Variants in USP33 observed in about 807,000 individuals in gnomAD.
USP33 encodes the protein ubiquitin carboxyl-terminal hydrolase 33.
Under a neutral mutation model 124.2 loss-of-function variants are expected in USP33, and 46 were observed. That is an observed-to-expected ratio of 0.37 (90% CI 0.29 to 0.47). The LOEUF is 0.47. USP33 is among the 20% of genes least tolerant of loss of function. USP33 has a pLI of 0.99. For missense variants in USP33, 851 were observed against 1,070.6 expected (o/e 0.79, Z 2.86); for synonymous variants, 350 against 352.3 (o/e 0.99, Z 0.07).
At chr1:77,699,742 C>T (rs1673794339) in intron 22 of USP33, among the ~76,000 whole-genome samples, 1 of 152,150 alleles carries the variant, frequency 6.6e-6, no homozygotes, top group Admixed American at 6.5e-5. Context: ...TACATGCACA[C>T]ATATGTTCAT....
At chr1:77,755,521 C>A (rs1004832471) in intron 1 of USP33, among the ~76,000 whole-genome samples, 26 of 152,096 alleles carry the variant, frequency 1.7e-4, no homozygotes, top group African/African-American at 6.3e-4. Context: ...CATGGTGAAA[C>A]CCCCATTTCT....
At chr1:77,729,987 T>C in intron 8 of USP33, 49 bp from the exon 9 acceptor site, 1 of 1,497,404 alleles carries the variant, frequency 6.7e-7, no homozygotes, top group South Asian at 1.2e-5. Context: ...TTTTTAATTT[T>C]CATTTTAAAA....
chr1:77,738,940 A>G (rs1678804002), intron 5 of USP33, among the ~76,000 whole-genome samples: 1 of 152,198 alleles, frequency 6.6e-6, no homozygotes, highest in South Asian at 2.1e-4. Flanking sequence ...ATGCTATCAA[A>G]GAAGGCCCAC....
intron 15 of USP33, among the ~76,000 whole-genome samples, chr1:77,719,549 C>T (rs897529610): frequency 2.6e-5 from 4 of 151,586 alleles, no homozygotes; most frequent in African/African-American, 2.4e-5. Context: ...ATTTGTAGTT[C>T]AAGTCAACAT....
chr1:77,741,444 TAA>T lies in USP33; in HGVS notation c.82-17_82-16del. 6.2e-7 allele frequency: 1 copy of T among 1,600,112 alleles called. No homozygotes were observed. Among genetic ancestry groups the T allele is most frequent in the Non-Finnish European group, 8.5e-7 (1 of 1,176,206 alleles). ...TGACAAGTACCCTATAAAAAGAAATTAAAAAGACAACATTGGTTATATTGACA... is the reference window on the plus strand; with the variant it reads ...TGACAAGTACCCTATAAAAAGAAATTAAAGACAACATTGGTTATATTGACA... On this transcript the variant is annotated splice_polypyrimidine_tract_variant and intron_variant, in intron 2 of 23. Transcript: ENST00000370794.
chr1:77,753,025 G>C (rs918389996), intron 1 of USP33, among the ~76,000 whole-genome samples: 1 of 152,080 alleles, frequency 6.6e-6, no homozygotes, highest in African/African-American at 2.4e-5. Context: ...GTCGAAGTGA[G>C]CCAAGATCAT....
In USP33 at chr1:77,741,761, T is replaced by G. The variant is rs1679144072; in HGVS notation, c.-51-13A>C. 1 of 1,538,936 alleles carries G rather than the reference T, an allele frequency of 6.5e-7. No individual in the cohort carries two copies. Among genetic ancestry groups the G allele is most frequent in the Middle Eastern group, 1.7e-4 (1 of 5,742 alleles). On this transcript the variant is annotated splice_polypyrimidine_tract_variant and intron_variant, in intron 1 of 23. Transcript: ENST00000370794. ...AATGAGGTAACACCTATAAGAAAAG[T>G]AACACACACAAAAAAATTAATAAAT...
At chr1:77,717,673 T>C (rs1186614255) in intron 17 of USP33, 194 bp downstream of exon 17, 2 of 351,822 alleles carry the variant, frequency 5.7e-6, no homozygotes, top group African/African-American at 4.2e-5. Flanking sequence ...TTAATTAGGA[T>C]GTTTATTTAT....
At chr1:77,724,397 T>A (rs1020030443) in intron 11 of USP33, among the ~76,000 whole-genome samples, 1 of 152,172 alleles carries the variant, frequency 6.6e-6, no homozygotes, top group African/African-American at 2.4e-5. Context: ...AAATCTTTAA[T>A]TTTTTTCTTT....
chr1:77,701,331 T>C (rs1673990261), intron 22 of USP33, 38 bp downstream of exon 22: 3 of 1,460,642 alleles, frequency 2.1e-6, no homozygotes, highest in African/African-American at 1.4e-5. Flanking sequence ...AAAAAACAAA[T>C]AATTTACCAA....
At position 77,752,719 on chromosome 1, in the gene USP33, A is replaced by G. The variant is rs1362836168; in HGVS notation, c.-52+6924T>C. Among the ~76,000 whole-genome samples the G allele has an allele frequency of 7.2e-5, 11 of 152,262 alleles. No homozygotes were observed. In the East Asian group the frequency reaches 2.1e-3, roughly 29 times the overall value. On this transcript the variant is annotated intron_variant, in intron 1 of 23. Coordinates refer to ENST00000370794, the MANE Select transcript of USP33 (RefSeq NM_201624.3). ...TGGATAAAGCTACAGAAGGCAGGCT[A>G]GTAAAATATAAACTTAAAATTATAA...
chr1:77,698,311 G>A (rs556052280), intron 22 of USP33, among the ~76,000 whole-genome samples: 67 of 149,582 alleles, frequency 4.5e-4, no homozygotes, highest in African/African-American at 1.7e-3. Flanking sequence ...CTGACCTCAC[G>A]ATCTACCCAC....
chr1:77,716,936 G>A (rs1227700297), intron 17 of USP33, among the ~76,000 whole-genome samples: 2 of 150,588 alleles, frequency 1.3e-5, no homozygotes, highest in Non-Finnish European at 2.9e-5. Context: ...TGCAATCTCA[G>A]CTCACTGCAA....
At chr1:77,725,292 T>G (rs1677034049) in intron 11 of USP33, among the ~76,000 whole-genome samples, 1 of 152,156 alleles carries the variant, frequency 6.6e-6, no homozygotes, top group Admixed American at 6.5e-5. Context: ...AGAGAAATGA[T>G]CTGATTACAA....
intron 15 of USP33, among the ~76,000 whole-genome samples, chr1:77,718,965 C>T (rs563365207): frequency 1.3e-5 from 2 of 150,008 alleles, no homozygotes; most frequent in South Asian, 2.1e-4. Context: ...AAAGAAAATG[C>T]AGAGACAAAA....
rs1047153340 is a variant in USP33, at chr1:77,741,457, T to C, written c.82-28A>G. Reference sequence around the variant, plus strand: ...ATAAAAAGAAATTAAAAAGACAACATTGGTTATATTGACACAAACACATAC... The same window carrying C: ...ATAAAAAGAAATTAAAAAGACAACACTGGTTATATTGACACAAACACATAC... On this transcript the variant is annotated intron_variant, in intron 2 of 23. Transcript: ENST00000370794. 8.2e-6 allele frequency: 13 copies of C among 1,589,818 alleles called. No individual in the cohort carries two copies. The Admixed American group carries it at 1.5e-4, about 18-fold the overall frequency.
At chr1:77,714,331 G>C (rs1157546193) in intron 19 of USP33, among the ~76,000 whole-genome samples, 1 of 152,124 alleles carries the variant, frequency 6.6e-6, no homozygotes, top group Non-Finnish European at 1.5e-5. Context: ...TATGAAATTA[G>C]AGCTTTCACA....
Position 77,753,920 on chromosome 1 carries a change from G to A in USP33, c.-52+5723C>T, listed in dbSNP as rs74406604. 5.7e-3 allele frequency among the ~76,000 whole-genome samples: 873 copies of A among 151,950 alleles called. 12 individuals carry two copies. Among genetic ancestry groups the A allele is most frequent in the African/African-American group, 0.02 (823 of 41,460 alleles). On this transcript the variant is annotated intron_variant, in intron 1 of 23. Coordinates refer to ENST00000370794, the MANE Select transcript of USP33 (RefSeq NM_201624.3). ...GTACTCAGTAAATGTCAACCATTAC[G>A]AACTGAAAGCATGGATGTTTAAACA... is the stretch of plus-strand genomic sequence containing the variant.
intron 19 of USP33, 141 bp downstream of exon 19, chr1:77,714,473 A>C: frequency 2.5e-6 from 2 of 796,594 alleles, no homozygotes; most frequent in Non-Finnish European, 3.9e-6. Flanking sequence ...TTCTGAAACC[A>C]TATGGAATTA....
Sources: allele counts gnomAD v4.1 joint callset (sites outside exome capture counted in the v4.1 genomes callset), GRCh38; gene constraint gnomAD v4.1.1; transcripts MANE v1.5; gene names NCBI Gene and HGNC (gene_info 2026-07-23, HGNC 2026-07-21).